The following AK3 variants were observed in gnomAD, a reference collection of about 807,000 sequenced individuals.
AK3 encodes the protein GTP:AMP phosphotransferase AK3, mitochondrial.
AK3 carries 27 observed loss-of-function variants against 23.7 expected under a neutral mutation model. The observed-to-expected ratio is 1.14, with a 90% CI of 0.84 to 1.57. AK3 has a LOEUF of 1.57. Among genes scored for constraint, AK3 ranks in the 40% most tolerant of loss-of-function variants. AK3 has a pLI of 0.00. For missense variants in AK3, 406 were observed against 285.6 expected (o/e 1.42, Z -3.04); for synonymous variants, 159 against 116.0 (o/e 1.37, Z -2.38).
chr9:4,716,395 T>C (rs747326491), intron 4 of AK3, among the ~76,000 whole-genome samples: 3 of 152,196 alleles, frequency 2.0e-5, no homozygotes, highest in Non-Finnish European at 4.4e-5. Context: ...CCAGGGCTGT[T>C]GTAGGACTTT....
chr9:4,727,494 T>G (rs1437540045), intron 1 of AK3, among the ~76,000 whole-genome samples: 2 of 152,222 alleles, frequency 1.3e-5, no homozygotes, highest in African/African-American at 4.8e-5. Context: ...CTTCAAATTT[T>G]TATTCTGCAG....
At chr9:4,723,883 C>T (rs1841961240) in intron 1 of AK3, among the ~76,000 whole-genome samples, 1 of 152,042 alleles carries the variant, frequency 6.6e-6, no homozygotes, top group South Asian at 2.1e-4. Context: ...AAATAAATTC[C>T]CAGATGTCAG....
intron 1 of AK3, among the ~76,000 whole-genome samples, chr9:4,736,004 ACTC>A (rs1842283829): frequency 6.6e-6 from 1 of 151,278 alleles, no homozygotes; most frequent in East Asian, 2.0e-4. Flanking sequence ...AATCCCAGCT[ACTC>A]AGGAGGCTGA....
chr9:4,716,880 A>G (rs1426680787), intron 4 of AK3, among the ~76,000 whole-genome samples: 1 of 152,186 alleles, frequency 6.6e-6, no homozygotes, highest in African/African-American at 2.4e-5. Flanking sequence ...GTAGTGAACT[A>G]TGAAAGAACC....
chr9:4,733,286 T>C (rs776069137), intron 1 of AK3, among the ~76,000 whole-genome samples: 38 of 152,070 alleles, frequency 2.5e-4, no homozygotes, highest in African/African-American at 7.0e-4. Flanking sequence ...ACTAGGAGAA[T>C]GTCAGGAAAT....
rs747260927 is a variant in AK3 at position 4,741,091 on chromosome 9, C to T, written c.-4G>A. 3 of 1,530,762 alleles carry T rather than the reference C, an allele frequency of 2.0e-6. No homozygotes were observed. Among genetic ancestry groups the T allele is most frequent in the Middle Eastern group, 2.0e-4 (1 of 4,974 alleles). The allele number at this position is 1,530,762 out of a possible 1,614,324, so 94.8% of individuals were successfully genotyped here. On this transcript the variant is annotated 5_prime_UTR_variant, in exon 1 of 5. Coordinates refer to ENST00000381809, the MANE Select transcript of AK3 (RefSeq NM_016282.4). ...GCAGCCGCGCGGACGCCCCCATGGC[C>T]GCAGACTGAGGCCCGCACCGCGCGG...
intron 1 of AK3, among the ~76,000 whole-genome samples, chr9:4,725,753 G>A (rs984395855): frequency 2.0e-5 from 3 of 152,146 alleles, no homozygotes; most frequent in African/African-American, 7.2e-5. Context: ...TGTTAAACGG[G>A]CATAGGATCT....
At position 4,741,118 on chromosome 9, in the gene AK3, T is replaced by C. The variant is rs763177471; in HGVS notation, c.-31A>G. ...CAGACTGAGGCCCGCACCGCGCGGG[T>C]ACCAGGGCTTTGGCCTGGCCTGCGC... On this transcript the variant is annotated 5_prime_UTR_variant, in exon 1 of 5. Coordinates refer to ENST00000381809, the MANE Select transcript of AK3 (RefSeq NM_016282.4). 1.8e-5 allele frequency: 27 copies of C among 1,478,466 alleles called. No homozygotes were observed. The Admixed American group carries it at 6.6e-4, about 36-fold the overall frequency. The allele number at this position is 1,478,466 out of a possible 1,614,324, so 91.6% of individuals were successfully genotyped here.
chr9:4,736,886 C>T (rs904998045), intron 1 of AK3, among the ~76,000 whole-genome samples: 1 of 152,132 alleles, frequency 6.6e-6, no homozygotes, highest in African/African-American at 2.4e-5. Flanking sequence ...CCATGTTACC[C>T]AGGCTAGTCT....
intron 4 of AK3, among the ~76,000 whole-genome samples, chr9:4,716,723 G>A (rs893968826): frequency 3.3e-5 from 5 of 152,188 alleles, no homozygotes; most frequent in Non-Finnish European, 5.9e-5. Flanking sequence ...CTGAAGCCAG[G>A]AGTTTGAGTA....
At chr9:4,736,913 A>T (rs1842307500) in intron 1 of AK3, among the ~76,000 whole-genome samples, 2 of 152,072 alleles carry the variant, frequency 1.3e-5, no homozygotes, top group African/African-American at 4.8e-5. Flanking sequence ...CCTGGGCTCA[A>T]ATGACCCTCC....
At chr9:4,733,543 T>C (rs1164331097) in intron 1 of AK3, among the ~76,000 whole-genome samples, 1 of 152,172 alleles carries the variant, frequency 6.6e-6, no homozygotes, top group East Asian at 1.9e-4. Context: ...TGCACAAGAA[T>C]TATATTAAAA....
rs372938783 is a variant in AK3 at position 4,714,143 on chromosome 9, T to C, written c.564-1047A>G. On this transcript the variant is annotated intron_variant, in intron 4 of 4. Coordinates refer to ENST00000381809, the MANE Select transcript of AK3 (RefSeq NM_016282.4). Reference sequence around the variant, plus strand: ...CTCCACATATACACACCTACACATATACACACCTCCACATACACACACCTC... The same window carrying C: ...CTCCACATATACACACCTACACATACACACACCTCCACATACACACACCTC... Among the ~76,000 whole-genome samples, 54 of 16,042 alleles carry C rather than the reference T, an allele frequency of 3.4e-3. 3 individuals are homozygous for C. The South Asian group carries it at 0.084, about 25-fold the overall frequency. 10.5% of individuals were successfully genotyped at this position (16,042 alleles called of 152,430 possible). A position where few individuals can be genotyped will look rare whatever the true frequency, so the allele number is the denominator to read the frequency against.
chr9:4,735,457 AGTATATGTG>A (rs1842266331), intron 1 of AK3, among the ~76,000 whole-genome samples: 4 of 102,000 alleles, frequency 3.9e-5, no homozygotes, highest in Admixed American at 1.4e-4. Context: ...ATATATACAT[AGTATATGTG>A]TATATATATA....
intron 1 of AK3, among the ~76,000 whole-genome samples, chr9:4,733,373 C>T (rs183598392): frequency 6.6e-6 from 1 of 152,094 alleles, no homozygotes; most frequent in East Asian, 1.9e-4. Flanking sequence ...CTTGAGTCAA[C>T]AAAGTGGTTA....
chr9:4,726,502 C>G (rs1337208448), intron 1 of AK3, among the ~76,000 whole-genome samples: 1 of 152,158 alleles, frequency 6.6e-6, no homozygotes, highest in Non-Finnish European at 1.5e-5. Flanking sequence ...ACGTTCTTTG[C>G]TCATTCATTA....
At chr9:4,722,658 G>A (rs757805581) in intron 1 of AK3, 33 bp from the exon 2 acceptor site, 38 of 1,613,872 alleles carry the variant, frequency 2.4e-5, no homozygotes, top group Non-Finnish European at 2.9e-5. Flanking sequence ...ATCAGTAAGT[G>A]CATTTGTTTT....
At chr9:4,714,885 C>G (rs1467704191) in intron 4 of AK3, among the ~76,000 whole-genome samples, 1 of 152,052 alleles carries the variant, frequency 6.6e-6, no homozygotes, top group Non-Finnish European at 1.5e-5. Context: ...AGTTTTTAGT[C>G]AAGTCTCGCT....
At chr9:4,729,709 C>G (rs1842110241) in intron 1 of AK3, among the ~76,000 whole-genome samples, 1 of 151,802 alleles carries the variant, frequency 6.6e-6, no homozygotes, top group Non-Finnish European at 1.5e-5. Flanking sequence ...TGCCTGTAGT[C>G]CCAGCTACTT....
Sources: gnomAD v4.1 joint callset for allele counts (sites outside exome capture counted in the v4.1 genomes callset) on GRCh38, gnomAD v4.1.1 for gene constraint, MANE v1.5 for transcripts, NCBI Gene and HGNC (gene_info 2026-07-23, HGNC 2026-07-21) for gene names.